WIPI1: variants seen among roughly 807,000 people sequenced by gnomAD.
WIPI1 encodes the protein WD repeat domain phosphoinositide-interacting protein 1.
Under a neutral mutation model 55.3 loss-of-function variants are expected in WIPI1, and 45 were observed. That is an observed-to-expected ratio of 0.81 (90% CI 0.64 to 1.04). The LOEUF (loss-of-function observed/expected upper bound fraction) is 1.04, where lower values mean the gene tolerates loss of function less well. Among genes scored for constraint, WIPI1 ranks in the 50% least tolerant of loss-of-function variants. WIPI1 has a pLI of 0.00. For missense variants in WIPI1, 445 were observed against 559.0 expected, an observed-to-expected ratio of 0.80 and a Z score of 2.06; for synonymous variants, 195 against 217.6, an observed-to-expected ratio of 0.90 and a Z score of 0.92.
At chr17:68,451,329 G>A (rs951315477) in intron 2 of WIPI1, among the ~76,000 whole-genome samples, 1 of 152,186 alleles carries the variant, frequency 6.6e-6, no homozygotes, top group African/African-American at 2.4e-5. Context: ...AGCTACTCGG[G>A]AGGCTGAGGC....
At chr17:68,426,039 G>C in intron 12 of WIPI1, 36 bp downstream of exon 12, 1 of 1,581,464 alleles carries the variant, frequency 6.3e-7, no homozygotes, top group Non-Finnish European at 8.7e-7. Flanking sequence ...TAAGCACACA[G>C]ACTGAGCCGC....
intron 4 of WIPI1, among the ~76,000 whole-genome samples, chr17:68,438,642 C>T (rs1003737629): frequency 6.6e-6 from 1 of 152,184 alleles, no homozygotes; most frequent in African/African-American, 2.4e-5. Flanking sequence ...ACTCTGTTGC[C>T]CAAGCTGCAG....
chr17:68,438,200 G>A (rs187256638), intron 4 of WIPI1, among the ~76,000 whole-genome samples: 25 of 152,148 alleles, frequency 1.6e-4, no homozygotes, highest in African/African-American at 3.9e-4. Flanking sequence ...GCATAGCTAC[G>A]GGAGGAAGTG....
At position 68,426,253 on chromosome 17, in the gene WIPI1, G is replaced by GGGGGGGGGT; in HGVS notation, c.1193-79_1193-78insACCCCCCCC. ...CATGACCTGGCGGGTGGGGAGCGGG[G>GGGGGGGGGT]GCTCAAATAAAGGGCAAAGGAAGCA... On this transcript the variant is annotated intron_variant, in intron 11 of 12. Coordinates refer to ENST00000262139, the MANE Select transcript of WIPI1 (RefSeq NM_017983.7). The GGGGGGGGGT allele has an allele frequency of 5.9e-6, 5 of 841,016 alleles. 1 individual carries two copies. The highest frequency in any genetic ancestry group is 6.8e-5 in the East Asian group (2 of 29,608). The allele number at this position is 841,016 out of a possible 1,614,324, so 52.1% of individuals were successfully genotyped here. A position where few individuals can be genotyped will look rare whatever the true frequency, so the allele number is the denominator to read the frequency against.
intron 4 of WIPI1, among the ~76,000 whole-genome samples, chr17:68,438,983 G>A (rs1360367107): frequency 6.6e-6 from 1 of 152,202 alleles, no homozygotes; most frequent in Non-Finnish European, 1.5e-5. Flanking sequence ...TAGTGAAAAA[G>A]ACAGATAAAT....
At chr17:68,431,379 G>A (rs1442094473) in intron 8 of WIPI1, among the ~76,000 whole-genome samples, 3 of 151,990 alleles carry the variant, frequency 2.0e-5, no homozygotes, top group African/African-American at 7.3e-5. Context: ...CATGGAGCCC[G>A]GCACGTGGCG....
At chr17:68,434,045 C>T (rs1023498341) in intron 7 of WIPI1, among the ~76,000 whole-genome samples, 8 of 151,986 alleles carry the variant, frequency 5.3e-5, no homozygotes, top group African/African-American at 1.9e-4. Context: ...GCTGGGATTA[C>T]AGACGTGAGC....
At chr17:68,440,738 T>C (rs964298004) in intron 4 of WIPI1, 2 of 152,196 alleles carry the variant, frequency 1.3e-5, no homozygotes, top group African/African-American at 4.8e-5. Flanking sequence ...CAAGAACCAA[T>C]GGCATCATCA....
chr17:68,424,346 T>C, intron 12 of WIPI1: 1 of 489,738 alleles, frequency 2.0e-6, no homozygotes. Context: ...CAGCCCTGCA[T>C]GCAGGGCCCC....
chr17:68,437,497 T>C (rs765851065), intron 4 of WIPI1, among the ~76,000 whole-genome samples: 12 of 150,580 alleles, frequency 8.0e-5, no homozygotes, highest in Non-Finnish European at 1.3e-4. Flanking sequence ...GAGGCTGCAG[T>C]GAGTGAAGAT....
In WIPI1 at chr17:68,428,818, A is replaced by G; in HGVS notation, c.1073+11T>C. The G allele has an allele frequency of 1.3e-6, 2 of 1,599,486 alleles. No homozygotes were observed. Among genetic ancestry groups the G allele is most frequent in the Non-Finnish European group, 1.7e-6 (2 of 1,167,046 alleles). ...CTCGAAAGGCTGTCTTTTGAAAAGC[A>G]GTCTCTTCACCTGTGGGTTTTGATT... On this transcript the variant is annotated intron_variant, in intron 10 of 12. Transcript: ENST00000262139.
rs746500553 is a variant in WIPI1, at chr17:68,426,007, G to A, written c.1293+68C>T. On this transcript the variant is annotated intron_variant, in intron 12 of 12. Coordinates refer to ENST00000262139, the MANE Select transcript of WIPI1 (RefSeq NM_017983.7). ...AACAGGGAAAGGGACTCTGCCTCTC[G>A]TATGAGGCGAAGGTTTCCTTCTAAG... is the stretch of plus-strand genomic sequence containing the variant. The A allele has an allele frequency of 1.1e-3, 1,322 of 1,249,340 alleles. 3 individuals are homozygous for A. The highest frequency in any genetic ancestry group is 1.4e-3 in the Non-Finnish European group (1,221 of 852,468). 77.4% of individuals were successfully genotyped at this position (1,249,340 alleles called of 1,614,324 possible).
intron 11 of WIPI1, 79 bp from the exon 12 acceptor site, chr17:68,426,254 G>GGGGCCCCCCCCCCCCCCC: frequency 3.7e-6 from 3 of 816,916 alleles, no homozygotes; most frequent in Non-Finnish European, 5.8e-6. Context: ...GGGAGCGGGG[G>GGGGCCCCCCCCCCCCCCC]CTCAAATAAA....
intron 4 of WIPI1, among the ~76,000 whole-genome samples, chr17:68,438,464 T>C (rs1241556200): frequency 6.6e-6 from 1 of 152,228 alleles, no homozygotes; most frequent in Non-Finnish European, 1.5e-5. Context: ...GGTTGTCTTG[T>C]GTGCTGGGTT....
intron 10 of WIPI1, 108 bp from the exon 11 acceptor site, chr17:68,427,361 A>G: frequency 1.2e-6 from 1 of 834,502 alleles, no homozygotes; most frequent in Non-Finnish European, 1.9e-6. Context: ...TCTGTGGGTT[A>G]TTTATTTATT....
chr17:68,447,959 T>G (rs895253184), intron 3 of WIPI1, among the ~76,000 whole-genome samples: 5 of 130,344 alleles, frequency 3.8e-5, no homozygotes, highest in African/African-American at 1.5e-4. Context: ...CACTCCAGCC[T>G]GGGCAACAGA....
chr17:68,438,348 C>T (rs1273944404), intron 4 of WIPI1, among the ~76,000 whole-genome samples: 2 of 152,218 alleles, frequency 1.3e-5, no homozygotes, highest in East Asian at 3.8e-4. Context: ...CAATTCCTCA[C>T]CCCTTCTGAA....
chr17:68,437,366 C>G (rs2083861290), intron 4 of WIPI1, among the ~76,000 whole-genome samples: 1 of 151,962 alleles, frequency 6.6e-6, no homozygotes, highest in Non-Finnish European at 1.5e-5. Context: ...ATCGGGCTGG[C>G]CAACATAGTG....
chr17:68,427,115 T>A lies in WIPI1; in HGVS notation c.1192+20A>T, dbSNP rs2083248984. The A allele has an allele frequency of 6.3e-7, 1 of 1,598,584 alleles. No homozygotes were observed. The highest frequency in any genetic ancestry group is 2.2e-5 in the East Asian group (1 of 44,796). The stretch of plus-strand genomic sequence containing the variant: ...GGTCACTGTTGGAGATGCTCCCCTG[T>A]TGGCCCCGTGTCCACCCACCTGGCA... On this transcript the variant is annotated intron_variant, in intron 11 of 12. Coordinates refer to ENST00000262139, the MANE Select transcript of WIPI1 (RefSeq NM_017983.7).
Sources: allele counts gnomAD v4.1 joint callset (sites outside exome capture counted in the v4.1 genomes callset), GRCh38; gene constraint gnomAD v4.1.1; transcripts MANE v1.5; gene names NCBI Gene and HGNC (gene_info 2026-07-23, HGNC 2026-07-21).